THSD7B: variants seen among roughly 807,000 people sequenced by gnomAD.
The protein encoded by THSD7B is thrombospondin type-1 domain-containing protein 7B.
THSD7B carries 138 observed loss-of-function variants against 213.6 expected under a neutral mutation model. That is an observed-to-expected ratio of 0.65 (90% confidence interval 0.56 to 0.74). THSD7B has a LOEUF of 0.74. Among genes scored for constraint, THSD7B ranks in the 30% least tolerant of loss-of-function variants. The pLI is 0.00. For missense variants in THSD7B, 1,931 were observed against 1,991.5 expected (o/e 0.97, Z 0.58); for synonymous variants, 742 against 687.0 (o/e 1.08, Z -1.25).
intron 2 of THSD7B, among the ~76,000 whole-genome samples, chr2:137,043,761 G>C (rs2104864356): frequency 6.6e-6 from 1 of 152,234 alleles, no homozygotes; most frequent in African/African-American, 2.4e-5. Context: ...GGCCACTGAT[G>C]ACCTGTTTAA....
chr2:136,869,173 G>T (rs1194856280), intron 1 of THSD7B, among the ~76,000 whole-genome samples: 2 of 152,088 alleles, frequency 1.3e-5, no homozygotes, highest in Admixed American at 6.5e-5. Flanking sequence ...CTTTAGGGGT[G>T]GTGGAGTGGG....
intron 6 of THSD7B, among the ~76,000 whole-genome samples, chr2:137,168,812 T>G (rs1251191825): frequency 1.3e-5 from 2 of 152,138 alleles, no homozygotes; most frequent in African/African-American, 4.8e-5. Flanking sequence ...AGATGTTACA[T>G]ATAAGAATAG....
chr2:137,038,556 T>G (rs1250106334), intron 2 of THSD7B, among the ~76,000 whole-genome samples: 1 of 152,234 alleles, frequency 6.6e-6, no homozygotes, highest in Non-Finnish European at 1.5e-5. Context: ...TAATTTGTAT[T>G]AAATTAATTG....
intron 12 of THSD7B, among the ~76,000 whole-genome samples, chr2:137,386,382 C>T (rs1377154036): frequency 6.6e-6 from 1 of 152,182 alleles, no homozygotes; most frequent in Non-Finnish European, 1.5e-5. Context: ...GCTTCCCACT[C>T]TCTCAGCAAC....
chr2:136,918,920 CT>C (rs1684390996), intron 2 of THSD7B, among the ~76,000 whole-genome samples: 1 of 152,180 alleles, frequency 6.6e-6, no homozygotes, highest in South Asian at 2.1e-4. Flanking sequence ...CTTCTCTACA[CT>C]GGGAAGTCCT....
In THSD7B at chr2:137,657,286, T is replaced by C. The variant is rs568877621; in HGVS notation, c.4375+126T>C. On this transcript the variant is annotated intron_variant, in intron 24 of 27. Transcript: ENST00000409968. ...GGGCAGGTAGCTTAGATGAATTTTA[T>C]TACAAATTTTCATTAGACGTTTGCA... 3 of 812,272 alleles carry C rather than the reference T, an allele frequency of 3.7e-6. 1 individual carries two copies. Among genetic ancestry groups the C allele is most frequent in the African/African-American group, 3.5e-5 (2 of 57,880 alleles). The allele number at this position is 812,272 out of a possible 1,614,324, so 50.3% of individuals were successfully genotyped here. A position where few individuals can be genotyped will look rare whatever the true frequency, so the allele number is the denominator to read the frequency against.
chr2:137,164,645 G>T (rs1680085252), intron 6 of THSD7B, among the ~76,000 whole-genome samples: 1 of 152,162 alleles, frequency 6.6e-6, no homozygotes, highest in Non-Finnish European at 1.5e-5. Context: ...GTCCAACAAT[G>T]ATAGACTGGA....
At chr2:137,091,516 AT>A (rs1239027096) in intron 3 of THSD7B, among the ~76,000 whole-genome samples, 1 of 140,484 alleles carries the variant, frequency 7.1e-6, no homozygotes, top group Non-Finnish European at 1.7e-5. Flanking sequence ...ATTTTATTTT[AT>A]TTTATTCATT....
intron 12 of THSD7B, among the ~76,000 whole-genome samples, chr2:137,399,072 C>T (rs1197277583): frequency 6.6e-6 from 1 of 151,996 alleles, no homozygotes; most frequent in Non-Finnish European, 1.5e-5. Context: ...TCTGGCACTC[C>T]CTAGTGAGAT....
At chr2:137,497,960 A>G (rs1679610239) in intron 15 of THSD7B, among the ~76,000 whole-genome samples, 1 of 152,330 alleles carries the variant, frequency 6.6e-6, no homozygotes, top group East Asian at 1.9e-4. Context: ...CCGAGAACTT[A>G]TATTTGATGA....
chr2:137,122,888 C>T (rs1256342028), intron 5 of THSD7B, among the ~76,000 whole-genome samples: 1 of 152,238 alleles, frequency 6.6e-6, no homozygotes, highest in South Asian at 2.1e-4. Context: ...GCTCCTCAGC[C>T]ACTACAGCAC....
intron 3 of THSD7B, among the ~76,000 whole-genome samples, chr2:137,089,048 T>C (rs1390509669): frequency 6.6e-6 from 1 of 152,096 alleles, no homozygotes; most frequent in Non-Finnish European, 1.5e-5. Context: ...GTAACCACTA[T>C]GAAAAACAGT....
chr2:137,597,737 G>A (rs1428572024), intron 17 of THSD7B, among the ~76,000 whole-genome samples: 1 of 152,084 alleles, frequency 6.6e-6, no homozygotes, highest in East Asian at 1.9e-4. Flanking sequence ...ATCTGTAAAA[G>A]GGCAATGCCC....
chr2:137,322,072 A>G (rs1684274307), intron 12 of THSD7B, among the ~76,000 whole-genome samples: 1 of 152,242 alleles, frequency 6.6e-6, no homozygotes, highest in Non-Finnish European at 1.5e-5. Flanking sequence ...TTAAGGTTGT[A>G]GAGCATTAAG....
chr2:137,173,802 A>G (rs2104998086), intron 7 of THSD7B, among the ~76,000 whole-genome samples: 1 of 152,284 alleles, frequency 6.6e-6, no homozygotes, highest in South Asian at 2.1e-4. Flanking sequence ...TTGATGATAG[A>G]AGTTTGGCAG....
At chr2:137,350,267 A>AT (rs1415051064) in intron 12 of THSD7B, among the ~76,000 whole-genome samples, 1 of 151,876 alleles carries the variant, frequency 6.6e-6, no homozygotes, top group African/African-American at 2.4e-5. Context: ...AATCCTTGAA[A>AT]TTTTTTCTGG....
At chr2:136,829,351 TG>T (rs1482981500) in intron 1 of THSD7B, among the ~76,000 whole-genome samples, 2 of 152,050 alleles carry the variant, frequency 1.3e-5, no homozygotes, top group Admixed American at 6.6e-5. Flanking sequence ...ACCTCAGATA[TG>T]GGACAGGTTG....
intron 5 of THSD7B, among the ~76,000 whole-genome samples, chr2:137,154,368 C>T (rs1679872197): frequency 6.6e-6 from 1 of 152,060 alleles, no homozygotes; most frequent in African/African-American, 2.4e-5. Flanking sequence ...TTGAAAAAGA[C>T]TGACTTGATT....
At chr2:137,336,290 C>T (rs1274179764) in intron 12 of THSD7B, among the ~76,000 whole-genome samples, 4 of 152,154 alleles carry the variant, frequency 2.6e-5, no homozygotes. Flanking sequence ...CAGTAAGTTA[C>T]CTGCTTCCTC....
Sources: gnomAD v4.1 joint callset for allele counts (sites outside exome capture counted in the v4.1 genomes callset) on GRCh38, gnomAD v4.1.1 for gene constraint, MANE v1.5 for transcripts, NCBI Gene and HGNC (gene_info 2026-07-23, HGNC 2026-07-21) for gene names.